SLC17A9: variants seen among roughly 807,000 people sequenced by gnomAD.
SLC17A9 encodes the protein solute carrier family 17 member 9.
A neutral mutation model predicts 55.0 loss-of-function variants in SLC17A9; 49 were observed. That is an observed-to-expected ratio of 0.89 (90% confidence interval 0.71 to 1.13). The LOEUF is 1.13. Ranked by LOEUF, SLC17A9 falls within the 50% of genes most tolerant of loss-of-function variation. The pLI is 0.00. For synonymous variants in SLC17A9, 256 were observed against 247.4 expected, an observed-to-expected ratio of 1.03 and a Z score of -0.32; for missense variants, 526 against 569.3, an observed-to-expected ratio of 0.92 and a Z score of 0.77.
intron 12 of SLC17A9, chr20:62,967,117 C>CA: frequency 1.7e-6 from 1 of 602,374 alleles, no homozygotes; most frequent in South Asian, 2.1e-5. Flanking sequence ...GTTACCAGGC[C>CA]ATTTTCTGGA....
In SLC17A9 at chr20:62,967,850, ACCTC is replaced by A. The variant is rs958541510; in HGVS notation, c.*355_*358del. 1 of 176,786 alleles carries A rather than the reference ACCTC, an allele frequency of 5.7e-6. No individual in the cohort carries two copies. The highest frequency in any genetic ancestry group is 1.2e-5 in the Non-Finnish European group (1 of 84,892). 11.0% of individuals were successfully genotyped at this position (176,786 alleles called of 1,614,324 possible). A position where few individuals can be genotyped will look rare whatever the true frequency, so the allele number is the denominator to read the frequency against. On this transcript the variant is annotated 3_prime_UTR_variant, in exon 13 of 13. Transcript: ENST00000370351. ...ATCTGTTCCGCGTGGTTCCCGCCAA[ACCTC>A]CCTCGGTCGCCGTGTTCTCCGCAAG...
At chr20:62,963,197 C>G in intron 5 of SLC17A9, 76 bp from the exon 6 acceptor site, 2 of 1,498,754 alleles carry the variant, frequency 1.3e-6, no homozygotes, top group South Asian at 2.3e-5. Context: ...GAACCACCCC[C>G]AAATCCCCAA....
At position 62,956,794 on chromosome 20, in the gene SLC17A9, T is replaced by C; in HGVS notation, c.89T>C (p.Leu30Pro). The change falls in exon 2 of 13, where the codon CTG (leucine) becomes CCG (proline). Residue 30 changes from leucine (L) to proline (P), a missense_variant. Physicochemically the swap from Leu to Pro is moderately conservative, Grantham distance 98. Coordinates refer to ENST00000370351, the MANE Select transcript of SLC17A9 (RefSeq NM_022082.4). ...RPECQAWTGT[L>P]LLGTCLLYCA... ...GAGTGCCAGGCATGGACGGGGACGC[T>C]GCTGCTGGGCACATGCCTTCTGTAC... The C allele has an allele frequency of 6.2e-7, 1 of 1,612,602 alleles. No homozygotes were observed. Among genetic ancestry groups the C allele is most frequent in the Non-Finnish European group, 8.5e-7 (1 of 1,179,878 alleles).
In SLC17A9 at chr20:62,962,564, C is replaced by G; in HGVS notation, c.498-60C>G. Reference sequence around the variant, plus strand: ...GCACCAGGGTGGGGTTTCTGAGAGGCCCCTCCTCACCCGAGGGGTGCCGCT... The same window carrying G: ...GCACCAGGGTGGGGTTTCTGAGAGGGCCCTCCTCACCCGAGGGGTGCCGCT... On this transcript the variant is annotated intron_variant, in intron 4 of 12. Coordinates refer to ENST00000370351, the MANE Select transcript of SLC17A9 (RefSeq NM_022082.4). The surrounding 1 kb of genome is among the most constrained non-coding windows in gnomAD (Gnocchi z 5.5). 6.3e-7 allele frequency: 1 copy of G among 1,582,154 alleles called. No homozygotes were observed. The highest frequency in any genetic ancestry group is 8.6e-7 in the Non-Finnish European group (1 of 1,165,186).
rs2147656155 is a variant in SLC17A9, at chr20:62,962,895, A to G, written c.628+141A>G. On this transcript the variant is annotated intron_variant, in intron 5 of 12. Transcript: ENST00000370351. This position sits in a 1 kb window ranked among gnomAD's most constrained non-coding sequence, Gnocchi z 5.5. ...CCCAAAGAATCCGCCAGTGAGGAAA[A>G]GCGCTCGGGTGCTGAGCTGTCAGCG... 1.6e-6 allele frequency: 2 copies of G among 1,253,686 alleles called. No individual in the cohort carries two copies. Among genetic ancestry groups the G allele is most frequent in the Non-Finnish European group, 2.2e-6 (2 of 910,110 alleles). The allele number at this position is 1,253,686 out of a possible 1,614,324, so 77.7% of individuals were successfully genotyped here.
intron 1 of SLC17A9, among the ~76,000 whole-genome samples, chr20:62,954,154 G>A (rs1403829220): frequency 6.6e-6 from 1 of 151,850 alleles, no homozygotes; most frequent in Non-Finnish European, 1.5e-5. Flanking sequence ...TCCCTCCCAG[G>A]CTCGATGTTT....
intron 1 of SLC17A9, among the ~76,000 whole-genome samples, chr20:62,954,573 G>A (rs1017949931): frequency 9.9e-5 from 15 of 152,158 alleles, no homozygotes; most frequent in African/African-American, 2.6e-4. Context: ...CACACCCCCC[G>A]TCCCCCGCGC....
intron 9 of SLC17A9, 87 bp downstream of exon 9, chr20:62,965,253 C>G (rs2065625411): frequency 6.4e-7 from 1 of 1,562,956 alleles, no homozygotes; most frequent in Non-Finnish European, 8.8e-7. Context: ...CCCCAAGTCA[C>G]CTGATATCTG....
rs1008784846 is a variant in SLC17A9, at chr20:62,958,088, C to T, written c.397+508C>T. 1.9e-4 allele frequency among the ~76,000 whole-genome samples: 29 copies of T among 152,104 alleles called. No homozygotes were observed. Among genetic ancestry groups the T allele is most frequent in the African/African-American group, 6.5e-4 (27 of 41,410 alleles). ...CTGTATGCATGTGTATGTGTGTGTGCGTTCCTGTATCCATGTGTATGTGCG... is the reference window on the plus strand; with the variant it reads ...CTGTATGCATGTGTATGTGTGTGTGTGTTCCTGTATCCATGTGTATGTGCG... On this transcript the variant is annotated intron_variant, in intron 3 of 12. Transcript: ENST00000370351. This position sits in a 1 kb window ranked among gnomAD's most constrained non-coding sequence, Gnocchi z 4.1.
chr20:62,960,477 G>C, intron 3 of SLC17A9, 27 bp from the exon 4 acceptor site: 1 of 1,601,924 alleles, frequency 6.2e-7, no homozygotes, highest in East Asian at 2.2e-5. Flanking sequence ...GATGGACCCT[G>C]AGAGACCCTC....
At chr20:62,965,071 C>A in intron 8 of SLC17A9, 61 bp from the exon 9 acceptor site, 1 of 1,602,060 alleles carries the variant, frequency 6.2e-7, no homozygotes, top group Non-Finnish European at 8.6e-7. Flanking sequence ...GGATGGGACC[C>A]CCTCTGGGGT....
intron 6 of SLC17A9, 40 bp from the exon 7 acceptor site, chr20:62,963,544 G>A (rs374167463): frequency 7.0e-6 from 11 of 1,562,094 alleles, no homozygotes; most frequent in African/African-American, 5.4e-5. Context: ...CGGCCAGCTC[G>A]TGCGGCACCA....
intron 1 of SLC17A9, chr20:62,953,243 A>T: frequency 6.5e-7 from 1 of 1,550,294 alleles, no homozygotes; most frequent in Non-Finnish European, 8.7e-7. Context: ...TGACCCTGAC[A>T]AGCAGGCGCC....
chr20:62,962,500 GA>G lies in SLC17A9; in HGVS notation c.498-123del, dbSNP rs1601094058. On this transcript the variant is annotated intron_variant, in intron 4 of 12. Transcript: ENST00000370351. The surrounding 1 kb of genome is among the most constrained non-coding windows in gnomAD (Gnocchi z 5.5). ...CGGTGGCTTCTGAGCTGCTCCTCTG[GA>G]GGCGATGAAAACACCCTCTTCTCCA... 2.1e-5 allele frequency: 27 copies of G among 1,281,736 alleles called. 1 individual carries two copies. In the East Asian group the frequency reaches 6.7e-4, roughly 32 times the overall value. 79.4% of individuals were successfully genotyped at this position (1,281,736 alleles called of 1,614,324 possible). A position where few individuals can be genotyped will look rare whatever the true frequency, so the allele number is the denominator to read the frequency against.
chr20:62,954,286 C>G (rs2065516781), intron 1 of SLC17A9, among the ~76,000 whole-genome samples: 1 of 152,244 alleles, frequency 6.6e-6, no homozygotes, highest in Non-Finnish European at 1.5e-5. Context: ...CTAGCCCGCC[C>G]TCCTGCAGCC....
chr20:62,968,477 G>A lies in SLC17A9; in HGVS notation c.*977G>A, dbSNP rs1443331650. 6.6e-6 allele frequency: 1 copy of A among 152,258 alleles called. No individual in the cohort carries two copies. The highest frequency in any genetic ancestry group is 1.5e-5 in the Non-Finnish European group (1 of 68,056). The allele number at this position is 152,258 out of a possible 1,614,324, so 9.4% of individuals were successfully genotyped here. ...TCCCTTTTCGTTGCCTGAGGAGCTG[G>A]TGGTTTCATGAGTTAATGATACATC... On this transcript the variant is annotated 3_prime_UTR_variant, in exon 13 of 13. Coordinates refer to ENST00000370351, the MANE Select transcript of SLC17A9 (RefSeq NM_022082.4).
In SLC17A9 at chr20:62,967,379, C is replaced by T. The variant is rs7271712; in HGVS notation, c.1190C>T (p.Thr397Met). 44,304 of 1,614,116 alleles carry T rather than the reference C, an allele frequency of 0.027. 889 individuals are homozygous for T. The highest frequency in any genetic ancestry group is 0.089 in the African/African-American group (6,651 of 74,998). Residue 397 changes from threonine (T) to methionine (M), a missense_variant, in exon 13 of 13, where the codon ACG (threonine) becomes ATG (methionine). By Grantham distance (81) the Thr-to-Met change is moderately conservative. Transcript: ENST00000370351. ...CTAGGCGGCTACTTGATGGAGACCA[C>T]GGGCTCCTGGACTTGCCTGTTCAAC... The part of the protein sequence containing the change: ...VCLGGYLMET[T>M]GSWTCLFNLV...
rs1040491920 is a variant in SLC17A9 at position 62,962,861 on chromosome 20, C to T, written c.628+107C>T. 2.0e-6 allele frequency: 3 copies of T among 1,474,754 alleles called. No homozygotes were observed. The highest frequency in any genetic ancestry group is 2.1e-4 in the Middle Eastern group (1 of 4,866). The allele number at this position is 1,474,754 out of a possible 1,614,324, so 91.4% of individuals were successfully genotyped here. On this transcript the variant is annotated intron_variant, in intron 5 of 12. Coordinates refer to ENST00000370351, the MANE Select transcript of SLC17A9 (RefSeq NM_022082.4). The surrounding 1 kb of genome is among the most constrained non-coding windows in gnomAD (Gnocchi z 5.5). ...TGGAGCAGGAGCCCGGAGACGATGG[C>T]TTTGACCTCCCAAAGAATCCGCCAG...
At chr20:62,965,460 T>C (rs2065627404) in intron 9 of SLC17A9, 150 bp from the exon 10 acceptor site, 1 of 774,444 alleles carries the variant, frequency 1.3e-6, no homozygotes, top group Non-Finnish European at 2.2e-6. Context: ...AGACCTCCTC[T>C]AGGGGGCCTG....
Sources: gnomAD v4.1 joint callset for allele counts (sites outside exome capture counted in the v4.1 genomes callset) on GRCh38, gnomAD v4.1.1 for gene constraint, Gnocchi (gnomAD v3.1) non-coding constraint, MANE v1.5 for transcripts, NCBI Gene and HGNC (gene_info 2026-07-23, HGNC 2026-07-21) for gene names.